RNF216: variants seen among roughly 807,000 people sequenced by gnomAD.
RNF216 encodes ring finger protein 216.
A neutral mutation model predicts 110.8 loss-of-function variants in RNF216; 72 were observed. That is an observed-to-expected ratio of 0.65 (90% CI 0.54 to 0.79). The LOEUF is 0.79. Among genes scored for constraint, RNF216 ranks in the 30% least tolerant of loss-of-function variants. RNF216 has a pLI of 0.00. For missense variants in RNF216, 1,342 were observed against 1,141.2 expected, an observed-to-expected ratio of 1.18 and a Z score of -2.54; for synonymous variants, 495 against 407.5, an observed-to-expected ratio of 1.21 and a Z score of -2.59.
intron 13 of RNF216, among the ~76,000 whole-genome samples, chr7:5,653,812 C>T (rs1206365384): frequency 1.3e-5 from 2 of 151,658 alleles, no homozygotes; most frequent in African/African-American, 4.9e-5. Context: ...ATGAATAGGG[C>T]GGCGAAAACA....
intron 3 of RNF216, among the ~76,000 whole-genome samples, chr7:5,750,733 A>G (rs1291586812): frequency 6.6e-6 from 1 of 152,196 alleles, no homozygotes; most frequent in African/African-American, 2.4e-5. Flanking sequence ...TCCCCCTCAT[A>G]AATGTGAGAC....
intron 1 of RNF216, among the ~76,000 whole-genome samples, chr7:5,776,282 T>A (rs758302192): frequency 6.6e-6 from 1 of 151,892 alleles, no homozygotes; most frequent in Non-Finnish European, 1.5e-5. Flanking sequence ...ATAAAGTCAC[T>A]AGTGTAATAA....
chr7:5,695,410 C>T (rs954549129), intron 13 of RNF216, among the ~76,000 whole-genome samples: 1 of 152,156 alleles, frequency 6.6e-6, no homozygotes, highest in East Asian at 1.9e-4. Context: ...AGCGCCACAT[C>T]GCCTTCCTCT....
chr7:5,642,162 T>C (rs947791336), intron 14 of RNF216, among the ~76,000 whole-genome samples: 1 of 151,826 alleles, frequency 6.6e-6, no homozygotes, highest in African/African-American at 2.4e-5. Flanking sequence ...TGATTTTAGT[T>C]ACTCAGCAAC....
In RNF216 at chr7:5,680,789, C is replaced by T. The variant is rs555127244; in HGVS notation, c.2062-28279G>A. 1.3e-5 allele frequency among the ~76,000 whole-genome samples: 2 copies of T among 152,260 alleles called. No individual in the cohort carries two copies. The highest frequency in any genetic ancestry group is 4.1e-4 in the South Asian group (2 of 4,824). On this transcript the variant is annotated intron_variant, in intron 13 of 16. Coordinates refer to ENST00000389902, the MANE Select transcript of RNF216 (RefSeq NM_207111.4). The surrounding 1 kb of genome is among the most constrained non-coding windows in gnomAD (Gnocchi z 4.3). ...TCTGGCCCCTGGGCTCCCCTGTATC[C>T]CTGAAGGACACAGCCACCCACTGGC...
chr7:5,716,585 G>A (rs918603439), intron 10 of RNF216, 131 bp downstream of exon 10: 2 of 638,928 alleles, frequency 3.1e-6, no homozygotes, highest in African/African-American at 1.8e-5. Flanking sequence ...CTATAACTTG[G>A]CTGAACTGCA....
intron 14 of RNF216, among the ~76,000 whole-genome samples, chr7:5,641,925 T>C (rs2128567885): frequency 6.6e-6 from 1 of 150,474 alleles, no homozygotes; most frequent in South Asian, 2.1e-4. Context: ...CCCAGCTACT[T>C]GGGAGGTTGA....
chr7:5,711,397 G>C (rs185312098), intron 13 of RNF216, among the ~76,000 whole-genome samples: 4 of 152,204 alleles, frequency 2.6e-5, no homozygotes, highest in Admixed American at 6.5e-5. Context: ...GTGTGTGTGT[G>C]GGGAGGGAGG....
At chr7:5,645,474 C>T (rs571004813) in intron 14 of RNF216, among the ~76,000 whole-genome samples, 5 of 152,248 alleles carry the variant, frequency 3.3e-5, no homozygotes, top group South Asian at 2.1e-4. Flanking sequence ...TTTCAACAGC[C>T]GTATCTTCAA....
Position 5,729,469 on chromosome 7 carries a change from A to G in RNF216, c.1352T>C (p.Leu451Pro). ...TGCATAGTGTCCTTTGAGCTCGTGC[A>G]GGGCCCACTTGATGTCCTGACTACT... ...VLSSQDIKWA[L>P]HELKGHYAIT... The change falls in exon 7 of 17, where the codon CTG (leucine) becomes CCG (proline). Residue 451 changes from leucine (L) to proline (P), a missense_variant. Leu to Pro is a moderately conservative substitution (Grantham distance 98). Coordinates refer to ENST00000389902, the MANE Select transcript of RNF216 (RefSeq NM_207111.4). 1 of 1,614,178 alleles carries G rather than the reference A, an allele frequency of 6.2e-7. No individual in the cohort carries two copies. Among genetic ancestry groups the G allele is most frequent in the Non-Finnish European group, 8.5e-7 (1 of 1,180,032 alleles).
chr7:5,644,965 C>A (rs952675424), intron 14 of RNF216, among the ~76,000 whole-genome samples: 1 of 152,002 alleles, frequency 6.6e-6, no homozygotes, highest in Non-Finnish European at 1.5e-5. Context: ...GCTGGGACTA[C>A]AGGCACGTGC....
At position 5,623,088 on chromosome 7, in the gene RNF216, G is replaced by C; in HGVS notation, c.2544C>G (p.Asn848Lys). 6.2e-7 allele frequency: 1 copy of C among 1,611,754 alleles called. No homozygotes were observed. Among genetic ancestry groups the C allele is most frequent in the Non-Finnish European group, 8.5e-7 (1 of 1,178,102 alleles). The stretch of plus-strand genomic sequence containing the variant: ...AGGGTGGCATCTGTGGCTGTGGCAG[G>C]TTCTGCGGAACGGGCCTCGGGAGGG... ...VEALPRPVPQ[N>K]LPQPQMPPYA... Residue 848 changes from asparagine (N) to lysine (K), a missense_variant, in exon 17 of 17, where the codon AAC (asparagine) becomes AAG (lysine). Asn to Lys is a moderately conservative substitution (Grantham distance 94, BLOSUM62 0). Transcript: ENST00000389902.
At chr7:5,674,736 T>G (rs1268606110) in intron 13 of RNF216, among the ~76,000 whole-genome samples, 1 of 152,048 alleles carries the variant, frequency 6.6e-6, no homozygotes, top group Non-Finnish European at 1.5e-5. Flanking sequence ...GGGGGGTCTT[T>G]AAAGCAAATG....
intron 13 of RNF216, among the ~76,000 whole-genome samples, chr7:5,656,329 G>A (rs1788739720): frequency 1.3e-5 from 2 of 152,156 alleles, no homozygotes; most frequent in African/African-American, 4.8e-5. Context: ...ACTCTTGCAT[G>A]TTTAACATGA....
rs892417010 is a variant in RNF216, at chr7:5,678,884, G to A, written c.2062-26374C>T. 2.0e-5 allele frequency among the ~76,000 whole-genome samples: 3 copies of A among 152,198 alleles called. No homozygotes were observed. In the East Asian group the frequency reaches 5.8e-4, roughly 29 times the overall value. Reference sequence around the variant, plus strand: ...GGTCTGCAGACAAGCTGAGGAGGCCGAGCTCCTAGAGAGGAAGTGGGGAGC... The same window carrying A: ...GGTCTGCAGACAAGCTGAGGAGGCCAAGCTCCTAGAGAGGAAGTGGGGAGC... On this transcript the variant is annotated intron_variant, in intron 13 of 16. Transcript: ENST00000389902.
At chr7:5,679,533 T>A (rs1790520152) in intron 13 of RNF216, among the ~76,000 whole-genome samples, 1 of 152,024 alleles carries the variant, frequency 6.6e-6, no homozygotes, top group Admixed American at 6.5e-5. Flanking sequence ...CTGACCAGAG[T>A]CCCTTGAGGG....
At chr7:5,704,251 A>G (rs757612147) in intron 13 of RNF216, among the ~76,000 whole-genome samples, 4 of 152,190 alleles carry the variant, frequency 2.6e-5, no homozygotes, top group Non-Finnish European at 5.9e-5. Flanking sequence ...ATTAATATAA[A>G]CGCCTCATTT....
At chr7:5,750,211 C>T (rs1473123983) in intron 3 of RNF216, among the ~76,000 whole-genome samples, 1 of 152,158 alleles carries the variant, frequency 6.6e-6, no homozygotes, top group Admixed American at 6.5e-5. Context: ...TTAAGCATTC[C>T]CTGTCTTACA....
At chr7:5,628,093 G>A (rs1786829442) in intron 15 of RNF216, among the ~76,000 whole-genome samples, 1 of 152,134 alleles carries the variant, frequency 6.6e-6, no homozygotes, top group South Asian at 2.1e-4. Context: ...AGAGGAAGAG[G>A]GAGCCTCAGA....
Sources: allele counts gnomAD v4.1 joint callset (sites outside exome capture counted in the v4.1 genomes callset), GRCh38; gene constraint gnomAD v4.1.1; non-coding constraint Gnocchi (gnomAD v3.1); transcripts MANE v1.5; gene names NCBI Gene and HGNC (gene_info 2026-07-23, HGNC 2026-07-21).